Variants in HIVEP2 observed in about 807,000 individuals in gnomAD.
HIVEP2 encodes the protein transcription factor HIVEP2.
In HIVEP2, 14 loss-of-function variants were observed where a neutral mutation model predicts 180.7. The ratio of observed to expected loss-of-function variants is 0.08; its 90% CI spans 0.05 to 0.12. The LOEUF is 0.12. Among genes scored for constraint, HIVEP2 ranks in the 10% least tolerant of loss-of-function variants. The probability of loss-of-function intolerance (pLI) is 1.00; values close to 1 mark genes in which losing one functional copy is unlikely to be tolerated. For synonymous variants in HIVEP2, 1,184 were observed against 1,136.4 expected (o/e 1.04, Z -0.84); for missense variants, 2,579 against 3,008.5 (o/e 0.86, Z 3.34).
chr6:142,885,482 A>G (rs1776673536), intron 1 of HIVEP2, among the ~76,000 whole-genome samples: 1 of 152,164 alleles, frequency 6.6e-6, no homozygotes, highest in African/African-American at 2.4e-5. Flanking sequence ...CTGAGGTCAC[A>G]GATAAAGCTA....
Position 142,770,064 on chromosome 6 carries a change from G to T in HIVEP2, c.4675C>A (p.Pro1559Thr). ...TCTGAAGATTCTTTGCTTTCAGAAG[G>T]CCCACTGGACTTCTGCCCCGGAAGT... ...APLPGQKSSG[P>T]SESKESSDEL... The change falls in exon 5 of 10, where the codon CCT becomes ACT. Residue 1559 changes from proline to threonine, a missense_variant. By Grantham distance (38) the Pro-to-Thr change is conservative. Transcript: ENST00000367603. The surrounding 1 kb of genome is among the most constrained non-coding windows in gnomAD (Gnocchi z 4.7). The T allele has an allele frequency of 1.9e-6, 3 of 1,614,146 alleles. No individual in the cohort carries two copies. The highest frequency in any genetic ancestry group is 2.5e-6 in the Non-Finnish European group (3 of 1,180,024).
Position 142,834,306 on chromosome 6 carries a change from G to GT in HIVEP2, c.-528+2628dup, listed in dbSNP as rs143693436. The stretch of plus-strand genomic sequence containing the variant: ...CAATTTCCACAGAACACAGAATTAT[G>GT]TATTTTGGACTTCCTAATTTAAAGT... On this transcript the variant is annotated intron_variant, in intron 2 of 9. Coordinates refer to ENST00000367603, the MANE Select transcript of HIVEP2 (RefSeq NM_006734.4). 7.9e-3 allele frequency among the ~76,000 whole-genome samples: 1,199 copies of GT among 152,232 alleles called. 14 individuals are homozygous for GT. Among genetic ancestry groups the GT allele is most frequent in the African/African-American group, 0.027 (1,118 of 41,552 alleles).
At chr6:142,854,406 T>C (rs1775766145) in intron 1 of HIVEP2, among the ~76,000 whole-genome samples, 1 of 152,194 alleles carries the variant, frequency 6.6e-6, no homozygotes, top group Non-Finnish European at 1.5e-5. Flanking sequence ...GCAATAACTT[T>C]TTGGTACATG....
intron 2 of HIVEP2, among the ~76,000 whole-genome samples, chr6:142,805,909 T>C (rs1776536816): frequency 6.6e-6 from 1 of 152,114 alleles, no homozygotes; most frequent in Admixed American, 6.6e-5. Flanking sequence ...AGGTCTACAA[T>C]GGGGAATCAG....
In HIVEP2 at chr6:142,770,485, T is replaced by G. The variant is rs765706059; in HGVS notation, c.4254A>C (p.Glu1418Asp). Reference sequence around the variant, plus strand: ...AAGGTAAACACAAGGGGATGGAGGATTCTAAGCCGAGGGGCAAAGTCTGAG... The same window carrying G: ...AAGGTAAACACAAGGGGATGGAGGAGTCTAAGCCGAGGGGCAAAGTCTGAG... ...KAPQTLPLGL[E>D]SSIPLCLPST... Residue 1418 changes from glutamate (E) to aspartate (D), a missense_variant, in exon 5 of 10, where the codon GAA (glutamate) becomes GAC (aspartate). By Grantham distance (45) the Glu-to-Asp change is conservative. This residue lies in a region of HIVEP2 where 523 missense variants were observed against 577.0 expected (regional missense o/e 0.91). Coordinates refer to ENST00000367603, the MANE Select transcript of HIVEP2 (RefSeq NM_006734.4). This position sits in a 1 kb window ranked among gnomAD's most constrained non-coding sequence, Gnocchi z 4.7. The G allele has an allele frequency of 8.7e-6, 14 of 1,614,160 alleles. No individual in the cohort carries two copies. The highest frequency in any genetic ancestry group is 3.3e-4 in the Middle Eastern group (2 of 6,062).
chr6:142,894,299 T>C (rs1041927151), intron 1 of HIVEP2, among the ~76,000 whole-genome samples: 4 of 152,236 alleles, frequency 2.6e-5, no homozygotes, highest in African/African-American at 9.6e-5. Flanking sequence ...TACTATCTTT[T>C]ACTTGTGTTG....
chr6:142,827,436 G>A (rs1055867960), intron 2 of HIVEP2, among the ~76,000 whole-genome samples: 6 of 152,174 alleles, frequency 3.9e-5, no homozygotes, highest in Admixed American at 1.3e-4. Context: ...GACAAAGTAC[G>A]CCTGCATATG....
At chr6:142,908,372 T>C (rs1388357584) in intron 1 of HIVEP2, among the ~76,000 whole-genome samples, 1 of 152,262 alleles carries the variant, frequency 6.6e-6, no homozygotes, top group Non-Finnish European at 1.5e-5. Context: ...AATTGGTCTT[T>C]TTCTCTGAAC....
rs116123553 is a variant in HIVEP2, at chr6:142,803,881, G to A, written c.-527-20266C>T. On this transcript the variant is annotated intron_variant, in intron 2 of 9. Transcript: ENST00000367603. The stretch of plus-strand genomic sequence containing the variant: ...CCTGACTCCTGAGGAGTGGGAGGCT[G>A]AAAGTACCAGGAAAGGAACCAAATC... 7.3e-3 allele frequency among the ~76,000 whole-genome samples: 1,104 copies of A among 152,238 alleles called. 19 individuals are homozygous for A. Among genetic ancestry groups the A allele is most frequent in the African/African-American group, 0.025 (1,057 of 41,554 alleles).
At chr6:142,785,370 A>T (rs1465638843) in intron 2 of HIVEP2, among the ~76,000 whole-genome samples, 1 of 143,644 alleles carries the variant, frequency 7.0e-6, no homozygotes, top group Non-Finnish European at 1.5e-5. Flanking sequence ...TCACTGAGTT[A>T]TTTTGTACTC....
chr6:142,831,001 A>C (rs1775064457), intron 2 of HIVEP2, among the ~76,000 whole-genome samples: 1 of 152,166 alleles, frequency 6.6e-6, no homozygotes, highest in Non-Finnish European at 1.5e-5. Flanking sequence ...CCCACCACAC[A>C]AAGTAGGCAG....
At chr6:142,845,349 A>G (rs1199726519) in intron 1 of HIVEP2, among the ~76,000 whole-genome samples, 1 of 152,144 alleles carries the variant, frequency 6.6e-6, no homozygotes, top group Non-Finnish European at 1.5e-5. Flanking sequence ...TTCTTATTGG[A>G]ATTGAAGTGG....
chr6:142,798,268 CA>C (rs200836838), intron 2 of HIVEP2, among the ~76,000 whole-genome samples: 10 of 143,028 alleles, frequency 7.0e-5, no homozygotes, highest in African/African-American at 5.2e-5. Context: ...GACTTCGTCT[CA>C]AAAAAAAAAG....
chr6:142,819,523 G>A (rs987227248), intron 2 of HIVEP2, among the ~76,000 whole-genome samples: 1 of 152,116 alleles, frequency 6.6e-6, no homozygotes, highest in Non-Finnish European at 1.5e-5. Flanking sequence ...TATATAACAG[G>A]GAAGAAGATT....
At chr6:142,762,342 A>G (rs197460) in intron 7 of HIVEP2, among the ~76,000 whole-genome samples, 112,965 of 151,896 alleles carry the variant, frequency 0.74, 42,474 homozygotes, top group African/African-American at 0.86. Flanking sequence ...ATGTGTATAT[A>G]CATGTGTGGA....
At chr6:142,905,949 C>T (rs750515000) in intron 1 of HIVEP2, among the ~76,000 whole-genome samples, 2 of 152,086 alleles carry the variant, frequency 1.3e-5, no homozygotes, top group South Asian at 2.1e-4. Flanking sequence ...ACCTGGCCAA[C>T]GTGGCAAAAC....
At position 142,774,759 on chromosome 6, in the gene HIVEP2, G is replaced by T; in HGVS notation, c.-21C>A. Reference sequence around the variant, plus strand: ...TCCATTTTGTTACACAAGGTCTTAAGTGCTAGTTCCCCTGAAAGCAGTGCA... The same window carrying T: ...TCCATTTTGTTACACAAGGTCTTAATTGCTAGTTCCCCTGAAAGCAGTGCA... On this transcript the variant is annotated 5_prime_UTR_variant, in exon 5 of 10. Coordinates refer to ENST00000367603, the MANE Select transcript of HIVEP2 (RefSeq NM_006734.4). The surrounding 1 kb of genome is among the most constrained non-coding windows in gnomAD (Gnocchi z 5.1). The T allele has an allele frequency of 6.2e-7, 1 of 1,608,246 alleles. No individual in the cohort carries two copies. The highest frequency in any genetic ancestry group is 8.5e-7 in the Non-Finnish European group (1 of 1,176,732).
chr6:142,934,428 A>G (rs1390410713), intron 1 of HIVEP2, among the ~76,000 whole-genome samples: 1 of 152,198 alleles, frequency 6.6e-6, no homozygotes, highest in Non-Finnish European at 1.5e-5. Flanking sequence ...TGTTCTCTAG[A>G]GCTCCAGTGT....
At position 142,773,620 on chromosome 6, in the gene HIVEP2, C is replaced by A. The variant is rs1479286404; in HGVS notation, c.1119G>T (p.Leu373=). ...HTVKQKLALR[L]SEKKGQDSEP... is the part of the protein sequence containing the mutation. Reference sequence around the variant, plus strand: ...CAGAATCTTGTCCTTTTTTCTCTGACAGTCTTAGTGCAAGTTTCTGTTTGA... The same window carrying A: ...CAGAATCTTGTCCTTTTTTCTCTGAAAGTCTTAGTGCAAGTTTCTGTTTGA... Residue 373 remains leucine, a synonymous_variant, in exon 5 of 10, where the codon CTG becomes CTT. Coordinates refer to ENST00000367603, the MANE Select transcript of HIVEP2 (RefSeq NM_006734.4). The A allele has an allele frequency of 6.2e-7, 1 of 1,614,064 alleles. No homozygotes were observed. Among genetic ancestry groups the A allele is most frequent in the African/African-American group, 1.3e-5 (1 of 74,930 alleles).
Sources: allele counts gnomAD v4.1 joint callset (sites outside exome capture counted in the v4.1 genomes callset), GRCh38; gene constraint gnomAD v4.1.1; regional missense constraint gnomAD v4.1.1; non-coding constraint Gnocchi (gnomAD v3.1); transcripts MANE v1.5; gene names NCBI Gene and HGNC (gene_info 2026-07-23, HGNC 2026-07-21).